Variants in BMPR2 observed in about 807,000 individuals in gnomAD.
BMPR2 encodes bone morphogenetic protein receptor type-2.
A neutral mutation model predicts 100.8 loss-of-function variants in BMPR2; 29 were observed. The ratio of observed to expected loss-of-function variants is 0.29; its 90% CI spans 0.21 to 0.39. The LOEUF is 0.39. BMPR2 is among the 10% of genes least tolerant of loss of function. BMPR2 has a pLI of 1.00. For missense variants in BMPR2, 1,011 were observed against 1,274.5 expected, an observed-to-expected ratio of 0.79 and a Z score of 3.15; for synonymous variants, 382 against 442.3, an observed-to-expected ratio of 0.86 and a Z score of 1.71.
intron 1 of BMPR2, among the ~76,000 whole-genome samples, chr2:202,396,458 G>A (rs1690657734): frequency 2.6e-5 from 4 of 152,152 alleles, no homozygotes; most frequent in Admixed American, 6.6e-5. Flanking sequence ...GCATGTAAGA[G>A]CTCAATGATA....
chr2:202,464,333 C>A (rs1266927551), intron 1 of BMPR2, among the ~76,000 whole-genome samples: 2 of 151,866 alleles, frequency 1.3e-5, no homozygotes, highest in Non-Finnish European at 2.9e-5. Flanking sequence ...AACCATGTAC[C>A]CATTCATAGT....
chr2:202,524,148 G>T (rs1004114815), intron 7 of BMPR2, among the ~76,000 whole-genome samples: 6 of 151,892 alleles, frequency 4.0e-5, no homozygotes, highest in Non-Finnish European at 5.9e-5. Context: ...GGATCACGAG[G>T]TCAGGAGATC....
chr2:202,459,650 C>T (rs191822287), intron 1 of BMPR2, among the ~76,000 whole-genome samples: 10 of 152,240 alleles, frequency 6.6e-5, no homozygotes, highest in Admixed American at 5.9e-4. Flanking sequence ...CATACAAATT[C>T]TGGAAGACAG....
In BMPR2 at chr2:202,419,899, C is replaced by T. The variant is rs927945569; in HGVS notation, c.76+42349C>T. On this transcript the variant is annotated intron_variant, in intron 1 of 12. Coordinates refer to ENST00000374580, the MANE Select transcript of BMPR2 (RefSeq NM_001204.7). ...CACAGCGATTCATGCCTGTAATACG[C>T]GCACTTTGGGTGGCCAACGCAGGAG... 1.3e-4 allele frequency among the ~76,000 whole-genome samples: 20 copies of T among 152,112 alleles called. 1 individual carries two copies. Among genetic ancestry groups the T allele is most frequent in the Admixed American group, 1.2e-3 (19 of 15,258 alleles).
intron 1 of BMPR2, among the ~76,000 whole-genome samples, chr2:202,403,575 C>T (rs1404917573): frequency 6.6e-6 from 1 of 152,050 alleles, no homozygotes; most frequent in Non-Finnish European, 1.5e-5. Context: ...AGAAAGTTAA[C>T]GTTTGACTCA....
chr2:202,506,508 G>A (rs1227147714), intron 3 of BMPR2, among the ~76,000 whole-genome samples: 1 of 151,402 alleles, frequency 6.6e-6, no homozygotes, highest in Non-Finnish European at 1.5e-5. Flanking sequence ...CATTCATGAG[G>A]GCTCTACCCT....
At chr2:202,478,379 T>C (rs1692591232) in intron 3 of BMPR2, among the ~76,000 whole-genome samples, 1 of 152,164 alleles carries the variant, frequency 6.6e-6, no homozygotes, top group Non-Finnish European at 1.5e-5. Context: ...GTTAAATAAG[T>C]TGTCTTTAAA....
At chr2:202,435,859 A>T (rs1396511925) in intron 1 of BMPR2, among the ~76,000 whole-genome samples, 1 of 150,584 alleles carries the variant, frequency 6.6e-6, no homozygotes, top group Admixed American at 6.6e-5. Flanking sequence ...AGGCTATATC[A>T]TATAGCCTAG....
chr2:202,409,915 C>T (rs1690979626), intron 1 of BMPR2, among the ~76,000 whole-genome samples: 3 of 152,148 alleles, frequency 2.0e-5, no homozygotes, highest in African/African-American at 7.2e-5. Flanking sequence ...TAACTCTCTC[C>T]ACTGAGAGGA....
intron 2 of BMPR2, 151 bp downstream of exon 2, chr2:202,465,130 A>G (rs1692294410): frequency 9.8e-7 from 1 of 1,018,446 alleles, no homozygotes; most frequent in Middle Eastern, 3.0e-4. Flanking sequence ...TCATGCCTGT[A>G]ATTCCAGCAC....
chr2:202,497,643 C>G (rs1366874494), intron 3 of BMPR2, among the ~76,000 whole-genome samples: 1 of 152,192 alleles, frequency 6.6e-6, no homozygotes. Context: ...GCAGAACTCT[C>G]AAAGGCATGT....
At position 202,559,888 on chromosome 2, in the gene BMPR2, CAGA is replaced by C; in HGVS notation, c.3062_3064del (p.Glu1021del). On this transcript the variant is annotated inframe_deletion, in exon 13 of 13. Coordinates refer to ENST00000374580, the MANE Select transcript of BMPR2 (RefSeq NM_001204.7). ...AAATCCAGCACTGCTGTTTACCTTG[CAGA>C]AGGAGGCACTGCTACAACCATGGTG... 6.2e-7 allele frequency: 1 copy of C among 1,614,054 alleles called. No homozygotes were observed. The highest frequency in any genetic ancestry group is 8.5e-7 in the Non-Finnish European group (1 of 1,180,012).
At chr2:202,386,309 A>G (rs1223560922) in intron 1 of BMPR2, among the ~76,000 whole-genome samples, 2 of 152,180 alleles carry the variant, frequency 1.3e-5, no homozygotes, top group Non-Finnish European at 2.9e-5. Flanking sequence ...GATATTCATC[A>G]CAAACTTAAC....
chr2:202,544,632 G>A (rs1688340022), intron 10 of BMPR2, among the ~76,000 whole-genome samples: 1 of 151,584 alleles, frequency 6.6e-6, no homozygotes, highest in Non-Finnish European at 1.5e-5. Context: ...CACTAGAATT[G>A]TGAAATTTCA....
intron 12 of BMPR2, 41 bp from the exon 13 acceptor site, chr2:202,559,655 A>AC (rs1436424462): frequency 6.2e-7 from 1 of 1,607,310 alleles, no homozygotes; most frequent in South Asian, 1.1e-5. Flanking sequence ...TTATTTCTTA[A>AC]GTTTGTTAAA....
rs75096774 is a variant in BMPR2 at position 202,493,870 on chromosome 2, A to G, written c.419-19849A>G. On this transcript the variant is annotated intron_variant, in intron 3 of 12. Transcript: ENST00000374580. ...AATGCCTTGATTCAATTAGCCAAGT[A>G]TGGGCTATTTTTTTTGTTGTTATTT... Among the ~76,000 whole-genome samples the G allele has an allele frequency of 9.1e-3, 1,392 of 152,224 alleles. 10 individuals are homozygous for G. Among genetic ancestry groups the G allele is most frequent in the Middle Eastern group, 0.014 (4 of 294 alleles).
Position 202,564,926 on chromosome 2 carries a change from G to C in BMPR2, c.*4980G>C, listed in dbSNP as rs1307304624. ...CCAGGCATGGTGGCACGCGCCTGTA[G>C]TCCCAGCTACTCGGGAGGCAGAGAC... is the stretch of plus-strand genomic sequence containing the variant. On this transcript the variant is annotated 3_prime_UTR_variant, in exon 13 of 13. Coordinates refer to ENST00000374580, the MANE Select transcript of BMPR2 (RefSeq NM_001204.7). The C allele has an allele frequency of 6.6e-6, 1 of 152,146 alleles. No individual in the cohort carries two copies. Among genetic ancestry groups the C allele is most frequent in the African/African-American group, 2.4e-5 (1 of 41,424 alleles). The allele number at this position is 152,146 out of a possible 1,614,324, so 9.4% of individuals were successfully genotyped here. A position where few individuals can be genotyped will look rare whatever the true frequency, so the allele number is the denominator to read the frequency against.
chr2:202,517,715 T>C (rs1241081305), intron 5 of BMPR2, among the ~76,000 whole-genome samples: 1 of 152,092 alleles, frequency 6.6e-6, no homozygotes, highest in African/African-American at 2.4e-5. Flanking sequence ...TCTCTGAATT[T>C]CTCCTTTCTA....
intron 1 of BMPR2, among the ~76,000 whole-genome samples, chr2:202,433,252 G>A (rs1047466132): frequency 6.6e-6 from 1 of 150,458 alleles, no homozygotes; most frequent in South Asian, 2.1e-4. Flanking sequence ...GGAGTAAGTA[G>A]ATAGGTAGGT....
Sources: gnomAD v4.1 joint callset for allele counts (sites outside exome capture counted in the v4.1 genomes callset) on GRCh38, gnomAD v4.1.1 for gene constraint, MANE v1.5 for transcripts, NCBI Gene and HGNC (gene_info 2026-07-23, HGNC 2026-07-21) for gene names.